PTCD3: variants seen among roughly 807,000 people sequenced by gnomAD.
The protein encoded by PTCD3 is small ribosomal subunit protein mS39.
A neutral mutation model predicts 101.9 loss-of-function variants in PTCD3; 89 were observed. The ratio of observed to expected loss-of-function variants is 0.87; its 90% CI spans 0.74 to 1.04. The LOEUF (loss-of-function observed/expected upper bound fraction) is 1.04. PTCD3 is among the 50% of genes least tolerant of loss of function. The pLI is 0.00. For missense variants in PTCD3, 870 were observed against 828.2 expected, an observed-to-expected ratio of 1.05 and a Z score of -0.62; for synonymous variants, 296 against 278.5, an observed-to-expected ratio of 1.06 and a Z score of -0.63.
rs2104445513 is a variant in PTCD3, at chr2:86,108,395, T to C, written c.150T>C (p.Asp50=). The C allele has an allele frequency of 6.2e-7, 1 of 1,607,202 alleles. No individual in the cohort carries two copies. The highest frequency in any genetic ancestry group is 2.2e-5 in the East Asian group (1 of 44,772). Residue 50 remains aspartate (D), a synonymous_variant, in exon 2 of 24, where the codon GAT becomes GAC. Transcript: ENST00000254630. ...CCCTCTCAAAGGTTGAAGGAACTGATGTAACAGGTATATTTTAAAATATAT... is the reference window on the plus strand; with the variant it reads ...CCCTCTCAAAGGTTGAAGGAACTGACGTAACAGGTATATTTTAAAATATAT... ...SATLSKVEGT[D]VTGIEEVVIP...
In PTCD3 at chr2:86,138,080, G is replaced by A. The variant is rs1674625732; in HGVS notation, c.*521G>A. The A allele has an allele frequency of 6.4e-6, 1 of 155,672 alleles. No individual in the cohort carries two copies. The highest frequency in any genetic ancestry group is 2.0e-4 in the South Asian group (1 of 5,090). The allele number at this position is 155,672 out of a possible 1,614,324, so 9.6% of individuals were successfully genotyped here. ...CTTAGGAATGACTAAACAAGATAAT[G>A]GCAGTTTAGGCTGCACAACTGGTAA... On this transcript the variant is annotated 3_prime_UTR_variant, in exon 24 of 24. Transcript: ENST00000254630.
intron 9 of PTCD3, 89 bp from the exon 10 acceptor site, chr2:86,124,906 C>A: frequency 1.3e-6 from 2 of 1,524,764 alleles, no homozygotes; most frequent in Non-Finnish European, 1.8e-6. Context: ...TGGCACATTG[C>A]CTAGAACATA....
intron 3 of PTCD3, among the ~76,000 whole-genome samples, chr2:86,110,023 C>T (rs915587835): frequency 4.6e-5 from 7 of 152,090 alleles, no homozygotes; most frequent in East Asian, 1.9e-4. Context: ...TTTAGGTTAA[C>T]GTGTAATGTT....
chr2:86,130,356 T>G (rs1258497811), intron 14 of PTCD3, among the ~76,000 whole-genome samples: 1 of 152,176 alleles, frequency 6.6e-6, no homozygotes, highest in Non-Finnish European at 1.5e-5. Flanking sequence ...GAGTGTGTGT[T>G]ACTGTCTGCC....
chr2:86,134,905 CA>C lies in PTCD3; in HGVS notation c.1697del (p.Gln566ArgfsTer14). The C allele has an allele frequency of 1.2e-6, 2 of 1,614,150 alleles. No individual in the cohort carries two copies. Among genetic ancestry groups the C allele is most frequent in the Non-Finnish European group, 1.7e-6 (2 of 1,179,986 alleles). On this transcript the variant is annotated frameshift_variant, in exon 21 of 24. Transcript: ENST00000254630. LOFTEE classifies it high-confidence loss of function. Reference sequence around the variant, plus strand: ...TGCGTATGAAAGCCAACCCATCAGACAGACTGCTCAGGATTGGCCAGCCACC... The same window carrying C: ...TGCGTATGAAAGCCAACCCATCAGACGACTGCTCAGGATTGGCCAGCCACC... ...KSAYESQPIR[Q>X]TAQDWPATSL...
intron 4 of PTCD3, chr2:86,111,918 A>ATT (rs1387880844): frequency 6.6e-6 from 1 of 151,042 alleles, no homozygotes; most frequent in Admixed American, 6.6e-5. Flanking sequence ...CTAATTTTGT[A>ATT]TTTTAAGTAG....
rs544109515 is a variant in PTCD3 at position 86,106,862 on chromosome 2, G to T, written c.104+511G>T. 9.2e-5 allele frequency among the ~76,000 whole-genome samples: 14 copies of T among 152,278 alleles called. No homozygotes were observed. The South Asian group carries it at 2.9e-3, about 32-fold the overall frequency. On this transcript the variant is annotated intron_variant, in intron 1 of 23. Transcript: ENST00000254630. ...CTGTGATAGTTATAGCTTGGAACATGTATGACCTATCTGTGTAATTTTTTT... is the reference window on the plus strand; with the variant it reads ...CTGTGATAGTTATAGCTTGGAACATTTATGACCTATCTGTGTAATTTTTTT...
In PTCD3 at chr2:86,121,446, A is replaced by C. The variant is rs765720827; in HGVS notation, c.539-33A>C. The C allele has an allele frequency of 5.4e-5, 74 of 1,358,292 alleles. 1 individual carries two copies. In the Middle Eastern group the frequency reaches 8.2e-4, roughly 15 times the overall value. The allele number at this position is 1,358,292 out of a possible 1,614,324, so 84.1% of individuals were successfully genotyped here. ...CAGGCTTTAGTTCTTCATTGTTTCA[A>C]GGTTTCTTTATCTTTCTGTCTCTTA... On this transcript the variant is annotated intron_variant, in intron 7 of 23. Transcript: ENST00000254630.
chr2:86,108,473 T>G (rs1226104640), intron 2 of PTCD3, 27 bp from the exon 3 acceptor site: 1 of 1,587,450 alleles, frequency 6.3e-7, no homozygotes, highest in South Asian at 1.2e-5. Flanking sequence ...ACTAGGAAAC[T>G]GATTCATGTT....
chr2:86,110,238 C>T lies in PTCD3; in HGVS notation c.195-875C>T, dbSNP rs187485207. Among the ~76,000 whole-genome samples the T allele has an allele frequency of 1.3e-4, 20 of 152,284 alleles. No homozygotes were observed. The East Asian group carries it at 3.9e-3, about 29-fold the overall frequency. Reference sequence around the variant, plus strand: ...GACAGATGAGAGAATGTGTCGTTATCACACTTGCTGAAATTACATAAATGT... The same window carrying T: ...GACAGATGAGAGAATGTGTCGTTATTACACTTGCTGAAATTACATAAATGT... On this transcript the variant is annotated intron_variant, in intron 3 of 23. Coordinates refer to ENST00000254630, the MANE Select transcript of PTCD3 (RefSeq NM_017952.6).
At chr2:86,124,098 C>T (rs1220785501) in intron 9 of PTCD3, among the ~76,000 whole-genome samples, 1 of 152,084 alleles carries the variant, frequency 6.6e-6, no homozygotes, top group Admixed American at 6.6e-5. Flanking sequence ...AGATTTAATA[C>T]TTTTGTTTAC....
intron 3 of PTCD3, among the ~76,000 whole-genome samples, chr2:86,110,345 A>G (rs1674053756): frequency 6.6e-6 from 1 of 152,182 alleles, no homozygotes; most frequent in South Asian, 2.1e-4. Flanking sequence ...AATTTCCTGT[A>G]CTTTTGTTTT....
intron 1 of PTCD3, among the ~76,000 whole-genome samples, chr2:86,106,616 G>A (rs1208873120): frequency 6.6e-6 from 1 of 152,196 alleles, no homozygotes; most frequent in Non-Finnish European, 1.5e-5. Context: ...CTCTCATGAA[G>A]CTTGCGTTCC....
At chr2:86,122,070 T>A (rs1412206187) in intron 8 of PTCD3, among the ~76,000 whole-genome samples, 1 of 152,182 alleles carries the variant, frequency 6.6e-6, no homozygotes, top group Non-Finnish European at 1.5e-5. Context: ...TCTCAAGAAA[T>A]CCTTTGGATC....
intron 19 of PTCD3, 46 bp from the exon 20 acceptor site, chr2:86,134,246 G>T (rs1445114935): frequency 7.1e-7 from 1 of 1,406,856 alleles, no homozygotes. Flanking sequence ...AAAGTGTGTT[G>T]GTTTTACATA....
intron 4 of PTCD3, chr2:86,112,191 G>A (rs1015109627): frequency 6.6e-6 from 1 of 151,754 alleles, no homozygotes; most frequent in African/African-American, 2.4e-5. Context: ...CGAGTAGCTG[G>A]GACTACAGGC....
chr2:86,124,669 G>A, intron 9 of PTCD3, among the ~76,000 whole-genome samples: 1 of 152,198 alleles, frequency 6.6e-6, no homozygotes. Flanking sequence ...TTGAAGAAAG[G>A]TGAGGAAACT....
chr2:86,126,162 G>A (rs561895694), intron 12 of PTCD3, among the ~76,000 whole-genome samples: 10 of 151,430 alleles, frequency 6.6e-5, no homozygotes, highest in East Asian at 1.9e-4. Flanking sequence ...CCCGGGAGGC[G>A]GAGGTTGCTG....
rs200261667 is a variant in PTCD3, at chr2:86,121,533, A to C, written c.593A>C (p.Tyr198Ser). The C allele has an allele frequency of 4.0e-5, 65 of 1,611,730 alleles. No individual in the cohort carries two copies. In the South Asian group the frequency reaches 7.1e-4, roughly 18 times the overall value. The part of the protein sequence containing the change: ...TNSLLDLLCY[Y>S]GDQEPSTDYH... ...AGTCTCTTGGATTTATTGTGTTACT[A>C]TGGTGACCAGGAGCCCTCAACTGAT... The change falls in exon 8 of 24, where the codon TAT (tyrosine) becomes TCT (serine). Residue 198 changes from tyrosine (Y) to serine (S), a missense_variant. Transcript: ENST00000254630.
Sources: gnomAD v4.1 joint callset for allele counts (sites outside exome capture counted in the v4.1 genomes callset) on GRCh38, gnomAD v4.1.1 for gene constraint, MANE v1.5 for transcripts, NCBI Gene and HGNC (gene_info 2026-07-23, HGNC 2026-07-21) for gene names.